The following WASF1 variants were observed in gnomAD, a reference collection of about 807,000 sequenced individuals.
WASF1 encodes WASP family member 1.
A neutral mutation model predicts 50.5 loss-of-function variants in WASF1; 7 were observed. The ratio of observed to expected loss-of-function variants is 0.14; its 90% CI spans 0.08 to 0.26. The LOEUF (loss-of-function observed/expected upper bound fraction) is 0.26. WASF1 is among the 10% of genes least tolerant of loss of function. WASF1 has a pLI of 1.00. For missense variants in WASF1, 470 were observed against 694.7 expected, an observed-to-expected ratio of 0.68 and a Z score of 3.64; for synonymous variants, 205 against 244.0, an observed-to-expected ratio of 0.84 and a Z score of 1.49.
chr6:110,142,270 C>T (rs1385985615), intron 3 of WASF1, among the ~76,000 whole-genome samples: 1 of 152,134 alleles, frequency 6.6e-6, no homozygotes, highest in East Asian at 1.9e-4. Flanking sequence ...GAATGTACAG[C>T]ATACAGACTA....
intron 2 of WASF1, among the ~76,000 whole-genome samples, chr6:110,178,355 C>T (rs1777024473): frequency 6.6e-6 from 1 of 152,136 alleles, no homozygotes; most frequent in Admixed American, 6.5e-5. Context: ...ATTGAGACTG[C>T]ATTTCTAATT....
At chr6:110,143,007 C>CCTGTGTTCT (rs1269073603) in intron 3 of WASF1, among the ~76,000 whole-genome samples, 19 of 143,172 alleles carry the variant, frequency 1.3e-4, no homozygotes, top group Non-Finnish European at 1.4e-4. Context: ...CGTTTATTTT[C>CCTGTGTTCT]CTGTGTTCTT....
intron 2 of WASF1, chr6:110,177,270 CAA>C (rs1776971581): frequency 6.6e-6 from 1 of 151,942 alleles, no homozygotes; most frequent in African/African-American, 2.4e-5. Context: ...TACTTATTAT[CAA>C]GTCATAATTT....
intron 7 of WASF1, among the ~76,000 whole-genome samples, chr6:110,106,343 T>C (rs1361463347): frequency 6.6e-6 from 1 of 152,190 alleles, no homozygotes; most frequent in Non-Finnish European, 1.5e-5. Flanking sequence ...AATTTGCAAA[T>C]GTTAGCTAGA....
chr6:110,102,062 G>T lies in WASF1; in HGVS notation c.1048C>A (p.Pro350Thr). The T allele has an allele frequency of 6.6e-7, 1 of 1,517,632 alleles. No homozygotes were observed. Among genetic ancestry groups the T allele is most frequent in the Non-Finnish European group, 8.8e-7 (1 of 1,134,250 alleles). The allele number at this position is 1,517,632 out of a possible 1,614,324, so 94.0% of individuals were successfully genotyped here. Residue 350 changes from proline to threonine, a missense_variant, in exon 10 of 11, where the codon CCT becomes ACT. Coordinates refer to ENST00000392589, the MANE Select transcript of WASF1 (RefSeq NM_003931.3). ...LRASMTSTPP[P>T]PVPPPPPPPA... ...GGTGGAGGTGGGGGAGGTACTGGAG[G>T]GGGAGGAGTTGAAGTCATTGAAGCT...
At chr6:110,136,859 A>G (rs535979281) in intron 3 of WASF1, among the ~76,000 whole-genome samples, 128 of 152,264 alleles carry the variant, frequency 8.4e-4, no homozygotes, top group Non-Finnish European at 1.6e-3. Context: ...TTGTTCTTCA[A>G]ATTTTAGCTC....
chr6:110,124,368 G>T (rs75209421), intron 4 of WASF1, among the ~76,000 whole-genome samples: 26,955 of 139,104 alleles, frequency 0.19, 3,629 homozygotes, highest in African/African-American at 0.38. Context: ...CCCCTCTCTT[G>T]GCTGAGAGCT....
chr6:110,126,628 A>G (rs1774430513), intron 4 of WASF1, among the ~76,000 whole-genome samples: 1 of 152,222 alleles, frequency 6.6e-6, no homozygotes, highest in Non-Finnish European at 1.5e-5. Context: ...ATCTAGGACC[A>G]CTTGGTGGAT....
At chr6:110,149,865 C>G (rs1244452533) in intron 3 of WASF1, among the ~76,000 whole-genome samples, 1 of 152,084 alleles carries the variant, frequency 6.6e-6, no homozygotes, top group Non-Finnish European at 1.5e-5. Flanking sequence ...CCCTCCCACC[C>G]TCTTAATCTG....
intron 2 of WASF1, among the ~76,000 whole-genome samples, chr6:110,175,547 C>T (rs977283562): frequency 6.6e-6 from 1 of 152,090 alleles, no homozygotes; most frequent in Non-Finnish European, 1.5e-5. Context: ...GGGGGTTACA[C>T]CAAGCTTCGA....
intron 4 of WASF1, among the ~76,000 whole-genome samples, chr6:110,120,483 T>C (rs1409334659): frequency 1.3e-5 from 2 of 152,156 alleles, no homozygotes; most frequent in African/African-American, 4.8e-5. Context: ...TTACAAGGGA[T>C]GTGAAGGACC....
intron 6 of WASF1, among the ~76,000 whole-genome samples, chr6:110,107,825 C>T (rs1773386923): frequency 1.3e-5 from 2 of 152,084 alleles, no homozygotes; most frequent in African/African-American, 4.8e-5. Flanking sequence ...TATAAAGGTA[C>T]TACCTATTCA....
chr6:110,121,401 G>C (rs550571793), intron 4 of WASF1, among the ~76,000 whole-genome samples: 1 of 152,266 alleles, frequency 6.6e-6, no homozygotes, highest in Non-Finnish European at 1.5e-5. Flanking sequence ...CCCAAAAGAA[G>C]ACATTTACAC....
chr6:110,140,929 A>T (rs1392347180), intron 3 of WASF1, among the ~76,000 whole-genome samples: 1 of 152,222 alleles, frequency 6.6e-6, no homozygotes, highest in East Asian at 1.9e-4. Context: ...AGAAGGAAGC[A>T]TATACAGTGT....
chr6:110,141,850 C>T lies in WASF1; in HGVS notation c.-28-14221G>A, dbSNP rs183253414. On this transcript the variant is annotated intron_variant, in intron 3 of 10. Coordinates refer to ENST00000392589, the MANE Select transcript of WASF1 (RefSeq NM_003931.3). ...ACAATGGCATGATCTCGGCTCACTG[C>T]AACCTCCGCAACCCAGGTTCAAGCG... 1.6e-4 allele frequency among the ~76,000 whole-genome samples: 25 copies of T among 151,962 alleles called. No homozygotes were observed. The East Asian group carries it at 2.1e-3, about 13-fold the overall frequency.
chr6:110,147,258 A>G (rs899862306), intron 3 of WASF1, among the ~76,000 whole-genome samples: 3 of 151,716 alleles, frequency 2.0e-5, no homozygotes, highest in South Asian at 2.1e-4. Context: ...AGGCAGGAGA[A>G]TGGCGTGAAC....
At chr6:110,134,741 A>G (rs543903256) in intron 3 of WASF1, among the ~76,000 whole-genome samples, 294 of 152,144 alleles carry the variant, frequency 1.9e-3, no homozygotes, top group African/African-American at 6.8e-3. Flanking sequence ...GCCTATTTTT[A>G]TACCAGTACC....
intron 3 of WASF1, among the ~76,000 whole-genome samples, chr6:110,143,383 T>C (rs185761528): frequency 6.0e-4 from 92 of 152,078 alleles, no homozygotes; most frequent in South Asian, 1.5e-3. Context: ...ATTGATAATA[T>C]ACTCTCTGTT....
At chr6:110,115,594 C>T (rs950168842) in intron 4 of WASF1, among the ~76,000 whole-genome samples, 5 of 152,278 alleles carry the variant, frequency 3.3e-5, no homozygotes, top group African/African-American at 9.6e-5. Context: ...TCCACTTGCC[C>T]GCAAACATGA....
Sources: gnomAD v4.1 joint callset for allele counts (sites outside exome capture counted in the v4.1 genomes callset) on GRCh38, gnomAD v4.1.1 for gene constraint, MANE v1.5 for transcripts, NCBI Gene and HGNC (gene_info 2026-07-23, HGNC 2026-07-21) for gene names.